CDH18: variants seen among roughly 807,000 people sequenced by gnomAD.
CDH18 encodes the protein cadherin-18.
Under a neutral mutation model 67.9 loss-of-function variants are expected in CDH18, and 31 were observed. That is an observed-to-expected ratio of 0.46 (90% CI 0.34 to 0.62). CDH18 has a LOEUF of 0.62. Ranked by LOEUF, CDH18 falls within the 20% of genes least tolerant of loss-of-function variation. The pLI is 0.01. For missense variants in CDH18, 890 were observed against 975.5 expected (o/e 0.91, Z 1.17); for synonymous variants, 362 against 347.2 (o/e 1.04, Z -0.48).
chr5:19,585,407 T>C (rs1356476755), intron 7 of CDH18, among the ~76,000 whole-genome samples: 1 of 152,148 alleles, frequency 6.6e-6, no homozygotes, highest in Admixed American at 6.6e-5. Flanking sequence ...ACGCCACCAC[T>C]GCACCCATAC....
chr5:20,049,447 C>A (rs898890744), intron 2 of CDH18, among the ~76,000 whole-genome samples: 2 of 150,970 alleles, frequency 1.3e-5, no homozygotes, highest in Admixed American at 6.6e-5. Flanking sequence ...TACAACAAAC[C>A]CCCATGACAT....
chr5:19,960,586 T>TATACACACAC (rs1357426735), intron 2 of CDH18, among the ~76,000 whole-genome samples: 1 of 132,738 alleles, frequency 7.5e-6, no homozygotes, highest in African/African-American at 3.4e-5. Flanking sequence ...TGTGTGTGTG[T>TATACACACAC]GTGTATATAT....
At chr5:20,171,821 G>A (rs1351155727) in intron 2 of CDH18, among the ~76,000 whole-genome samples, 6 of 151,384 alleles carry the variant, frequency 4.0e-5, no homozygotes, top group African/African-American at 1.2e-4. Context: ...TATTGCTCAG[G>A]TTGTCTTCCA....
chr5:20,076,406 A>G (rs1743944142), intron 2 of CDH18, among the ~76,000 whole-genome samples: 1 of 152,124 alleles, frequency 6.6e-6, no homozygotes, highest in Admixed American at 6.6e-5. Flanking sequence ...ATGAATTGAG[A>G]TGGCAATAAA....
chr5:19,508,081 G>T (rs2972817), intron 10 of CDH18, among the ~76,000 whole-genome samples: 83,081 of 150,594 alleles, frequency 0.55, 23,724 homozygotes, highest in African/African-American at 0.71. Flanking sequence ...TTCCAAAAAC[G>T]AGAATGTCAG....
chr5:20,224,594 A>G (rs1211878806), intron 2 of CDH18, among the ~76,000 whole-genome samples: 1 of 151,374 alleles, frequency 6.6e-6, no homozygotes, highest in Non-Finnish European at 1.5e-5. Flanking sequence ...TCTCATTAAT[A>G]TTGATTTCTT....
intron 5 of CDH18, among the ~76,000 whole-genome samples, chr5:19,685,899 A>G (rs1580863750): frequency 6.6e-6 from 1 of 152,290 alleles, no homozygotes; most frequent in East Asian, 1.9e-4. Flanking sequence ...CAGAAATAAT[A>G]TATAGACTTT....
At chr5:20,180,954 C>A (rs539895720) in intron 2 of CDH18, among the ~76,000 whole-genome samples, 2 of 152,090 alleles carry the variant, frequency 1.3e-5, no homozygotes, top group Non-Finnish European at 2.9e-5. Flanking sequence ...TGAGCTTCTC[C>A]ATACTCTCTT....
intron 2 of CDH18, among the ~76,000 whole-genome samples, chr5:20,145,236 C>T (rs2126541352): frequency 6.6e-6 from 1 of 152,212 alleles, no homozygotes; most frequent in African/African-American, 2.4e-5. Context: ...GATACCTATA[C>T]ATTGATGAAG....
chr5:20,501,535 T>TA (rs1754270897), intron 1 of CDH18, among the ~76,000 whole-genome samples: 2 of 79,370 alleles, frequency 2.5e-5, no homozygotes, highest in African/African-American at 4.3e-5. Context: ...ATTATATATA[T>TA]TATATACATA....
At chr5:19,830,717 T>A (rs117593383) in intron 3 of CDH18, among the ~76,000 whole-genome samples, 2 of 152,138 alleles carry the variant, frequency 1.3e-5, no homozygotes, top group East Asian at 3.9e-4. Context: ...ATCATCCTAC[T>A]ATAACCACAC....
At chr5:20,299,668 A>T (rs1747808875) in intron 1 of CDH18, among the ~76,000 whole-genome samples, 1 of 151,072 alleles carries the variant, frequency 6.6e-6, no homozygotes, top group Non-Finnish European at 1.5e-5. Context: ...CTGAGGCAGA[A>T]GAATTGCTGA....
chr5:20,343,823 T>C (rs1740473876), intron 1 of CDH18, among the ~76,000 whole-genome samples: 1 of 152,078 alleles, frequency 6.6e-6, no homozygotes, highest in Non-Finnish European at 1.5e-5. Flanking sequence ...TTAAATACCA[T>C]CAGGAAATTG....
In CDH18 at chr5:19,495,739, AAAAG is replaced by A. The variant is rs758162813; in HGVS notation, c.1630+7249_1630+7252del. Among the ~76,000 whole-genome samples the A allele has an allele frequency of 5.4e-3, 760 of 141,590 alleles. 5 individuals are homozygous for A. The highest frequency in any genetic ancestry group is 0.011 in the Middle Eastern group (3 of 272). 92.9% of individuals were successfully genotyped at this position (141,590 alleles called of 152,430 possible). On this transcript the variant is annotated intron_variant, in intron 11 of 12. Transcript: ENST00000382275. ...TCTCAAAAAAAAAAAAAAAAAAAAA[AAAAG>A]AAAGAAAGAAAGAAAAGAATATCTC...
chr5:19,680,805 C>T (rs748082127), intron 5 of CDH18, among the ~76,000 whole-genome samples: 1 of 151,944 alleles, frequency 6.6e-6, no homozygotes, highest in African/African-American at 2.4e-5. Flanking sequence ...CTTACACGCA[C>T]TGCTGCTGGG....
At chr5:19,646,764 G>A (rs1244125960) in intron 5 of CDH18, among the ~76,000 whole-genome samples, 2 of 152,092 alleles carry the variant, frequency 1.3e-5, no homozygotes, top group Admixed American at 1.3e-4. Flanking sequence ...AAAGAAAGCA[G>A]GAATGAGAGA....
At chr5:19,594,819 G>A (rs1431564965) in intron 6 of CDH18, among the ~76,000 whole-genome samples, 1 of 152,094 alleles carries the variant, frequency 6.6e-6, no homozygotes, top group South Asian at 2.1e-4. Context: ...TTTTATGAGA[G>A]TGCAACTGAT....
intron 1 of CDH18, among the ~76,000 whole-genome samples, chr5:20,419,978 A>G (rs1372420412): frequency 6.6e-6 from 1 of 150,846 alleles, no homozygotes; most frequent in African/African-American, 2.5e-5. Context: ...CTGGTAATAT[A>G]TTTTCGATTT....
intron 8 of CDH18, among the ~76,000 whole-genome samples, chr5:19,566,364 G>C (rs1332817559): frequency 6.6e-6 from 1 of 152,162 alleles, no homozygotes; most frequent in Non-Finnish European, 1.5e-5. Context: ...CAGCAATCCT[G>C]CTGCTATGTT....
Sources: gnomAD v4.1 joint callset for allele counts (sites outside exome capture counted in the v4.1 genomes callset) on GRCh38, gnomAD v4.1.1 for gene constraint, MANE v1.5 for transcripts, NCBI Gene and HGNC (gene_info 2026-07-23, HGNC 2026-07-21) for gene names.